Variants in PTPRD observed in about 807,000 individuals in gnomAD.
PTPRD encodes the protein receptor-type tyrosine-protein phosphatase delta.
In PTPRD, 34 loss-of-function variants were observed where a neutral mutation model predicts 214.5. The observed-to-expected ratio is 0.16, with a 90% CI of 0.12 to 0.21. The LOEUF (loss-of-function observed/expected upper bound fraction) is 0.21, where lower values mean the gene tolerates loss of function less well. Among genes scored for constraint, PTPRD ranks in the 10% least tolerant of loss-of-function variants. The probability of loss-of-function intolerance (pLI) is 1.00; values close to 1 mark genes in which losing one functional copy is unlikely to be tolerated. For synonymous variants in PTPRD, 1,128 were observed against 845.7 expected (o/e 1.33, Z -5.79); for missense variants, 2,545 against 2,398.7 (o/e 1.06, Z -1.27).
chr9:10,057,341 A>G (rs1046470067), intron 3 of PTPRD, among the ~76,000 whole-genome samples: 1 of 152,170 alleles, frequency 6.6e-6, no homozygotes, highest in Admixed American at 6.6e-5. Flanking sequence ...TTAATGAAGG[A>G]AATAGTCACA....
intron 5 of PTPRD, among the ~76,000 whole-genome samples, chr9:9,783,877 T>C (rs2098890522): frequency 2.7e-5 from 4 of 149,828 alleles, no homozygotes; most frequent in South Asian, 4.4e-4. Flanking sequence ...TGAACCACAG[T>C]ACTTATCAGC....
At chr9:9,934,181 G>C (rs1335205274) in intron 5 of PTPRD, among the ~76,000 whole-genome samples, 1 of 147,812 alleles carries the variant, frequency 6.8e-6, no homozygotes, top group African/African-American at 2.6e-5. Flanking sequence ...AGAAAAGCAA[G>C]AGCAAACACA....
At chr9:10,348,566 T>C (rs2097129270) in intron 2 of PTPRD, among the ~76,000 whole-genome samples, 1 of 152,188 alleles carries the variant, frequency 6.6e-6, no homozygotes, top group South Asian at 2.1e-4. Context: ...GCATAAAACT[T>C]GTCTTCTCTG....
At chr9:8,332,439 G>C (rs563078059) in intron 43 of PTPRD, among the ~76,000 whole-genome samples, 1 of 152,252 alleles carries the variant, frequency 6.6e-6, no homozygotes, top group South Asian at 2.1e-4. Context: ...GGATACCAAC[G>C]ACTATTAGCA....
intron 35 of PTPRD, among the ~76,000 whole-genome samples, chr9:8,410,098 C>G (rs1445603987): frequency 1.3e-5 from 2 of 152,180 alleles, no homozygotes; most frequent in Non-Finnish European, 2.9e-5. Context: ...TTCATTGTCT[C>G]TCTCTTCTCT....
chr9:9,017,654 A>G lies in PTPRD; in HGVS notation c.-104+1043T>C, dbSNP rs191322332. On this transcript the variant is annotated intron_variant, in intron 11 of 45. Coordinates refer to ENST00000381196, the MANE Select transcript of PTPRD (RefSeq NM_002839.4). ...AAATAAATCAAGAAACATTTTCTTC[A>G]TTTAAACATGGCTTAAATTGAGCAT... Among the ~76,000 whole-genome samples the G allele has an allele frequency of 1.1e-3, 166 of 152,332 alleles. 1 individual carries two copies. The highest frequency in any genetic ancestry group is 6.8e-3 in the Middle Eastern group (2 of 294).
At chr9:10,057,851 C>CAA (rs112975551) in intron 3 of PTPRD, among the ~76,000 whole-genome samples, 1,672 of 140,904 alleles carry the variant, frequency 0.012, 25 homozygotes, top group African/African-American at 0.033. Flanking sequence ...CAAAAAAAAA[C>CAA]AAAAAAAAAA....
chr9:9,948,936 A>G (rs146667035), intron 4 of PTPRD, among the ~76,000 whole-genome samples: 4 of 152,238 alleles, frequency 2.6e-5, no homozygotes, highest in Non-Finnish European at 5.9e-5. Flanking sequence ...CATTATCTAA[A>G]TAAATTAATA....
At chr9:8,419,059 A>C (rs2094162821) in intron 35 of PTPRD, among the ~76,000 whole-genome samples, 1 of 151,886 alleles carries the variant, frequency 6.6e-6, no homozygotes, top group Admixed American at 6.6e-5. Context: ...TTTCTAAAAA[A>C]TTTTAAAAAC....
At position 8,804,159 on chromosome 9, in the gene PTPRD, G is replaced by T. The variant is rs921512682; in HGVS notation, c.-103-70213C>A. 4.6e-5 allele frequency among the ~76,000 whole-genome samples: 7 copies of T among 152,058 alleles called. No individual in the cohort carries two copies. The South Asian group carries it at 6.2e-4, about 14-fold the overall frequency. ...GTAGAGACAGGGTTTCGCTATGTTG[G>T]TCCGTCTGGTCTCGAACTCCTGACC... On this transcript the variant is annotated intron_variant, in intron 11 of 45. Transcript: ENST00000381196.
chr9:9,433,248 T>C lies in PTPRD; in HGVS notation c.-236-35766A>G, dbSNP rs149266210. Reference sequence around the variant, plus strand: ...TGCCGATACACTTAAAAGAAGTTTGTATGTCATCAGGAACAGTTAAAGCTT... The same window carrying C: ...TGCCGATACACTTAAAAGAAGTTTGCATGTCATCAGGAACAGTTAAAGCTT... On this transcript the variant is annotated intron_variant, in intron 8 of 45. Coordinates refer to ENST00000381196, the MANE Select transcript of PTPRD (RefSeq NM_002839.4). Among the ~76,000 whole-genome samples, 172 of 152,304 alleles carry C rather than the reference T, an allele frequency of 1.1e-3. 1 individual carries two copies. The highest frequency in any genetic ancestry group is 3.8e-3 in the African/African-American group (158 of 41,564).
intron 2 of PTPRD, among the ~76,000 whole-genome samples, chr9:10,400,444 G>C (rs1328619211): frequency 1.3e-5 from 2 of 151,544 alleles, no homozygotes; most frequent in Non-Finnish European, 3.0e-5. Context: ...AACTCCTTGT[G>C]TTTTTGCAAA....
intron 2 of PTPRD, among the ~76,000 whole-genome samples, chr9:10,449,763 C>T (rs1173373915): frequency 9.2e-5 from 14 of 151,710 alleles, no homozygotes; most frequent in Middle Eastern, 3.4e-3. Context: ...TCATTGAGAA[C>T]GGGCCATGAT....
intron 11 of PTPRD, among the ~76,000 whole-genome samples, chr9:8,791,296 G>A (rs146175169): frequency 0.018 from 2,659 of 151,892 alleles, 75 homozygotes; most frequent in African/African-American, 0.061. Flanking sequence ...CGTGATCTCC[G>A]CTCACTGCAA....
At chr9:10,150,661 A>G (rs182488267) in intron 3 of PTPRD, among the ~76,000 whole-genome samples, 200 of 152,096 alleles carry the variant, frequency 1.3e-3, no homozygotes, top group African/African-American at 4.7e-3. Context: ...AGTAAAATAA[A>G]AAAAAAACTT....
At chr9:9,520,084 T>C (rs2096930236) in intron 8 of PTPRD, among the ~76,000 whole-genome samples, 1 of 151,916 alleles carries the variant, frequency 6.6e-6, no homozygotes, top group South Asian at 2.1e-4. Context: ...TTTCAAGTGT[T>C]TAGTTTTTGT....
At chr9:9,973,888 T>C (rs1453361059) in intron 4 of PTPRD, among the ~76,000 whole-genome samples, 2 of 152,204 alleles carry the variant, frequency 1.3e-5, no homozygotes, top group Admixed American at 6.5e-5. Flanking sequence ...TAGACACTTA[T>C]GTGAACTAAT....
At chr9:9,764,357 C>A (rs1597153452) in intron 6 of PTPRD, among the ~76,000 whole-genome samples, 1 of 152,100 alleles carries the variant, frequency 6.6e-6, no homozygotes, top group African/African-American at 2.4e-5. Flanking sequence ...ATGAAGACCC[C>A]TTATGTATGA....
rs555523551 is a variant in PTPRD, at chr9:8,547,580, CT to C, written c.353-18802del. 2.6e-4 allele frequency among the ~76,000 whole-genome samples: 39 copies of C among 148,098 alleles called. No homozygotes were observed. In the East Asian group the frequency reaches 7.5e-3, roughly 29 times the overall value. On this transcript the variant is annotated intron_variant, in intron 14 of 45. Coordinates refer to ENST00000381196, the MANE Select transcript of PTPRD (RefSeq NM_002839.4). ...ATTGCTTGGGCCCAGGAGGTTGAGG[CT>C]ACAGTGAGCCGTGTTCACACCACCG... is the stretch of plus-strand genomic sequence containing the variant.
Sources: gnomAD v4.1 joint callset for allele counts (sites outside exome capture counted in the v4.1 genomes callset) on GRCh38, gnomAD v4.1.1 for gene constraint, MANE v1.5 for transcripts, NCBI Gene and HGNC (gene_info 2026-07-23, HGNC 2026-07-21) for gene names.